CDH16: variants seen among roughly 807,000 people sequenced by gnomAD.
The protein encoded by CDH16 is cadherin-16.
CDH16 carries 79 observed loss-of-function variants against 87.6 expected under a neutral mutation model. The observed-to-expected ratio is 0.90, with a 90% confidence interval of 0.75 to 1.09. The LOEUF (loss-of-function observed/expected upper bound fraction) is 1.09. Ranked by LOEUF, CDH16 falls within the 50% of genes least tolerant of loss-of-function variation. The pLI, the probability that CDH16 is intolerant of heterozygous loss-of-function variation, is 0.00. For synonymous variants in CDH16, 457 were observed against 439.5 expected, an observed-to-expected ratio of 1.04 and a Z score of -0.50; for missense variants, 1,124 against 1,071.7, an observed-to-expected ratio of 1.05 and a Z score of -0.68.
chr16:66,914,393 G>A lies in CDH16; in HGVS notation c.603C>T (p.His201=), dbSNP rs191736920. The change falls in exon 7 of 18, where the codon CAC becomes CAT. Residue 201 remains histidine, a synonymous_variant. Transcript: ENST00000299752. Reference sequence around the variant, plus strand: ...ACAGCTGGTAGGTCCTCTCCAGGGCGTGGTCAAGGCTGGTGCTCCCTAGAA... The same window carrying A: ...ACAGCTGGTAGGTCCTCTCCAGGGCATGGTCAAGGCTGGTGCTCCCTAGAA... ...LSPKGSTSLD[H]ALERTYQLLV... 150 of 1,613,948 alleles carry A rather than the reference G, an allele frequency of 9.3e-5. No individual in the cohort carries two copies. The highest frequency in any genetic ancestry group is 1.2e-4 in the Non-Finnish European group (138 of 1,179,864).
At position 66,911,970 on chromosome 16, in the gene CDH16, GA is replaced by G; in HGVS notation, c.1718del (p.Val573AlafsTer12). 1 of 1,614,116 alleles carries G rather than the reference GA, an allele frequency of 6.2e-7. No individual in the cohort carries two copies. The highest frequency in any genetic ancestry group is 8.5e-7 in the Non-Finnish European group (1 of 1,179,994). Reference sequence around the variant, plus strand: ...AAGAGCCGGCTGGGGCACTGATGGGGACACTGGCCTCGTAGCTCTCCTGGTC... The same window carrying G: ...AAGAGCCGGCTGGGGCACTGATGGGGCACTGGCCTCGTAGCTCTCCTGGTC... The part of the protein sequence containing the change: ...KLDQESYEAS[V>X]PISAPAGSFL... On this transcript the variant is annotated frameshift_variant, in exon 13 of 18. Transcript: ENST00000299752. LOFTEE classifies it high-confidence loss of function.
intron 14 of CDH16, chr16:66,910,977 G>T: frequency 1.9e-6 from 1 of 540,380 alleles, no homozygotes; most frequent in Non-Finnish European, 3.2e-6. Context: ...AGAATGATCA[G>T]AGAGGGGAGG....
At chr16:66,915,764 CG>C (rs1329348433) in intron 5 of CDH16, among the ~76,000 whole-genome samples, 2 of 152,156 alleles carry the variant, frequency 1.3e-5, no homozygotes, top group Non-Finnish European at 2.9e-5. Context: ...GGCATGGTGG[CG>C]GGTGCCTGTA....
At chr16:66,911,722 A>G (rs1312995751) in intron 13 of CDH16, among the ~76,000 whole-genome samples, 177 bp downstream of exon 13, 4 of 152,164 alleles carry the variant, frequency 2.6e-5, no homozygotes, top group African/African-American at 9.7e-5. Context: ...ACCCCTCTCC[A>G]TGCCCCACCC....
At position 66,908,301 on chromosome 16, in the gene CDH16, G is replaced by A; in HGVS notation, c.*91C>T. On this transcript the variant is annotated 3_prime_UTR_variant, in exon 18 of 18. Coordinates refer to ENST00000299752, the MANE Select transcript of CDH16 (RefSeq NM_004062.4). ...GATGGAGGGGCTTCTACTCTGTCCT[G>A]TCCCCTGCTGGATCTTGGGTGCTGG... 9.6e-7 allele frequency: 1 copy of A among 1,037,122 alleles called. No individual in the cohort carries two copies. Among genetic ancestry groups the A allele is most frequent in the Non-Finnish European group, 1.5e-6 (1 of 669,266 alleles). The allele number at this position is 1,037,122 out of a possible 1,614,324, so 64.2% of individuals were successfully genotyped here.
Position 66,910,420 on chromosome 16 carries a change from A to G in CDH16, c.2007T>C (p.Pro669=), listed in dbSNP as rs1480644654. The G allele has an allele frequency of 6.2e-7, 1 of 1,604,996 alleles. No homozygotes were observed. ...APPAPALTLA[P]VPSQYLCTPR... Reference sequence around the variant, plus strand: ...GTGTGCAGAGGTATTGGGAGGGCACAGGGGCAAGAGTCAGGGCTGGGGCAG... The same window carrying G: ...GTGTGCAGAGGTATTGGGAGGGCACGGGGGCAAGAGTCAGGGCTGGGGCAG... Residue 669 remains proline (P), a synonymous_variant, in exon 15 of 18, where the codon CCT becomes CCC. Transcript: ENST00000299752.
At chr16:66,915,474 CCATTATCA>C (rs1305011235) in intron 5 of CDH16, 96 bp from the exon 6 acceptor site, 24 of 1,363,384 alleles carry the variant, frequency 1.8e-5, no homozygotes, top group Non-Finnish European at 2.4e-5. Context: ...TCTTCCCTAT[CCATTATCA>C]CATCAGGACT....
chr16:66,911,882 C>T lies in CDH16; in HGVS notation c.1790+17G>A, dbSNP rs1442496745. The T allele has an allele frequency of 1.9e-6, 3 of 1,573,060 alleles. No individual in the cohort carries two copies. Among genetic ancestry groups the T allele is most frequent in the Non-Finnish European group, 2.6e-6 (3 of 1,155,386 alleles). On this transcript the variant is annotated intron_variant, in intron 13 of 17. Coordinates refer to ENST00000299752, the MANE Select transcript of CDH16 (RefSeq NM_004062.4). ...GGGGCAATCCAGTCCAGGTAAGGGGCTGGGATTTTAGCTCACCTGAGGGTT... is the reference window on the plus strand; with the variant it reads ...GGGGCAATCCAGTCCAGGTAAGGGGTTGGGATTTTAGCTCACCTGAGGGTT...
chr16:66,916,669 G>A lies in CDH16; in HGVS notation c.130-240C>T, dbSNP rs1457972256. On this transcript the variant is annotated intron_variant, in intron 3 of 17. Coordinates refer to ENST00000299752, the MANE Select transcript of CDH16 (RefSeq NM_004062.4). The surrounding 1 kb of genome is among the most constrained non-coding windows in gnomAD (Gnocchi z 4.1). ...TTCTGAAGCTTGAAACCTCACCACC[G>A]AGATTTCGTTCTTTAATCTAAAGCT... Among the ~76,000 whole-genome samples the A allele has an allele frequency of 1.3e-5, 2 of 152,098 alleles. No individual in the cohort carries two copies. Among genetic ancestry groups the A allele is most frequent in the East Asian group, 1.9e-4 (1 of 5,188 alleles).
In CDH16 at chr16:66,912,250, G is replaced by C. The variant is rs867306363; in HGVS notation, c.1540C>G (p.Leu514Val). Residue 514 changes from leucine (L) to valine (V), a missense_variant, in exon 12 of 18, where the codon CTC becomes GTC. Physicochemically the swap from Leu to Val is conservative, Grantham distance 32. Transcript: ENST00000299752. ...GCTACCCAGGCCCTCACCTTGCAGA[G>C]TCTGAGTCTAACATGCCCAGAGTCT... ...EPDSGHVRLRLCKNLSYEAAP... is the reference protein window; with the variant it reads ...EPDSGHVRLRVCKNLSYEAAP... 1 of 1,609,518 alleles carries C rather than the reference G, an allele frequency of 6.2e-7. No individual in the cohort carries two copies. Among genetic ancestry groups the C allele is most frequent in the African/African-American group, 1.3e-5 (1 of 74,848 alleles).
Position 66,916,147 on chromosome 16 carries a change from C to T in CDH16, c.342G>A (p.Val114=), listed in dbSNP as rs1160681030. 6.2e-7 allele frequency: 1 copy of T among 1,614,258 alleles called. No homozygotes were observed. The highest frequency in any genetic ancestry group is 1.7e-5 in the Admixed American group (1 of 60,034). Residue 114 remains valine (V), a synonymous_variant, in exon 5 of 18, where the codon GTG becomes GTA. Transcript: ENST00000299752. This position sits in a 1 kb window ranked among gnomAD's most constrained non-coding sequence, Gnocchi z 4.1. ...CCTGGTCATTCTCATCCTTCACGTG[C>T]ACAAGCACAGGCTGTGGACCCCACA... is the stretch of plus-strand genomic sequence containing the variant. ...HVLWGPQPVL[V]HVKDENDQVP...
chr16:66,908,599 G>A lies in CDH16; in HGVS notation c.2393-110C>T, dbSNP rs577060780. 3.0e-5 allele frequency: 26 copies of A among 860,812 alleles called. No individual in the cohort carries two copies. In the African/African-American group the frequency reaches 4.2e-4, roughly 14 times the overall value. The allele number at this position is 860,812 out of a possible 1,614,324, so 53.3% of individuals were successfully genotyped here. A position where few individuals can be genotyped will look rare whatever the true frequency, so the allele number is the denominator to read the frequency against. On this transcript the variant is annotated intron_variant, in intron 17 of 17. Transcript: ENST00000299752. Reference sequence around the variant, plus strand: ...GGATTAATGAAGAGATGAGTTTCCTGGACAGCATCCTGAGGCTGGGCTGGG... The same window carrying A: ...GGATTAATGAAGAGATGAGTTTCCTAGACAGCATCCTGAGGCTGGGCTGGG...
Position 66,912,255 on chromosome 16 carries a change from A to G in CDH16, c.1535T>C (p.Leu512Pro), listed in dbSNP as rs1225068991. ...DWEPDSGHVR[L>P]RLCKNLSYEA... ...CCAGGCCCTCACCTTGCAGAGTCTG[A>G]GTCTAACATGCCCAGAGTCTGGCTC... Residue 512 changes from leucine to proline, a missense_variant, in exon 12 of 18, where the codon CTC becomes CCC. Transcript: ENST00000299752. 1 of 1,610,378 alleles carries G rather than the reference A, an allele frequency of 6.2e-7. No homozygotes were observed. Among genetic ancestry groups the G allele is most frequent in the Non-Finnish European group, 8.5e-7 (1 of 1,177,868 alleles).
Position 66,916,442 on chromosome 16 carries a change from A to C in CDH16, c.130-13T>G. 6.3e-7 allele frequency: 1 copy of C among 1,586,156 alleles called. No individual in the cohort carries two copies. The highest frequency in any genetic ancestry group is 8.6e-7 in the Non-Finnish European group (1 of 1,163,866). On this transcript the variant is annotated splice_polypyrimidine_tract_variant and intron_variant, in intron 3 of 17. Coordinates refer to ENST00000299752, the MANE Select transcript of CDH16 (RefSeq NM_004062.4). The surrounding 1 kb of genome is among the most constrained non-coding windows in gnomAD (Gnocchi z 4.1). ...GGGGCAGCGGCAACTGATGGAAATG[A>C]ACAGAAGTGAAGGGAGCGGTGGCCA... is the stretch of plus-strand genomic sequence containing the variant.
intron 15 of CDH16, 57 bp from the exon 16 acceptor site, chr16:66,910,150 C>T: frequency 6.4e-7 from 1 of 1,565,782 alleles, no homozygotes. Context: ...CCTCTGGGGG[C>T]TGCTCCCCCT....
In CDH16 at chr16:66,912,909, G is replaced by T; in HGVS notation, c.1055-18C>A. The T allele has an allele frequency of 6.3e-7, 1 of 1,599,160 alleles. No homozygotes were observed. Among genetic ancestry groups the T allele is most frequent in the Non-Finnish European group, 8.5e-7 (1 of 1,172,400 alleles). On this transcript the variant is annotated intron_variant, in intron 9 of 17. Coordinates refer to ENST00000299752, the MANE Select transcript of CDH16 (RefSeq NM_004062.4). ...TTCAGTACCTGCCAAGACAGCACCC[G>T]CCTGGATAGGACCACAGCCCAGCCT...
chr16:66,912,455 G>A (rs1962472557), intron 11 of CDH16, 25 bp from the exon 12 acceptor site: 2 of 1,613,824 alleles, frequency 1.2e-6, no homozygotes, highest in East Asian at 2.2e-5. Context: ...GGGATGGTGA[G>A]CCCCCCACCA....
rs781455273 is a variant in CDH16 at position 66,909,280 on chromosome 16, G to A, written c.2379C>T (p.Thr793=). Residue 793 remains threonine, a synonymous_variant, in exon 17 of 18, where the codon ACC becomes ACT. Transcript: ENST00000299752. The surrounding 1 kb of genome is among the most constrained non-coding windows in gnomAD (Gnocchi z 4.1). The stretch of plus-strand genomic sequence containing the variant: ...AACCTCCATTACCTATTGCTACCAG[G>A]GTGCCTACAAGGATGCCCACTGCCG... ...KLSAVGILVG[T]LVAIGIFLIL... The A allele has an allele frequency of 1.9e-6, 3 of 1,609,280 alleles. No homozygotes were observed. The highest frequency in any genetic ancestry group is 1.1e-5 in the South Asian group (1 of 91,008).
At chr16:66,910,214 C>G (rs1280320049) in intron 15 of CDH16, 46 bp downstream of exon 15, 3 of 1,560,184 alleles carry the variant, frequency 1.9e-6, no homozygotes, top group African/African-American at 1.4e-5. Flanking sequence ...AGTGACACCC[C>G]CTCCCTGCCT....
Sources: gnomAD v4.1 joint callset for allele counts (sites outside exome capture counted in the v4.1 genomes callset) on GRCh38, gnomAD v4.1.1 for gene constraint, Gnocchi (gnomAD v3.1) non-coding constraint, MANE v1.5 for transcripts, NCBI Gene and HGNC (gene_info 2026-07-23, HGNC 2026-07-21) for gene names.